Variants in FAM131C observed in about 807,000 individuals in gnomAD.
FAM131C encodes the protein protein FAM131C.
A neutral mutation model predicts 29.8 loss-of-function variants in FAM131C; 14 were observed. The ratio of observed to expected loss-of-function variants is 0.47; its 90% CI spans 0.31 to 0.73. The LOEUF is 0.73. Ranked by LOEUF, FAM131C falls within the 30% of genes least tolerant of loss-of-function variation. The probability of loss-of-function intolerance (pLI) is 0.05; values close to 1 mark genes in which losing one functional copy is unlikely to be tolerated. For missense variants in FAM131C, 252 were observed against 383.8 expected, an observed-to-expected ratio of 0.66 and a Z score of 2.87; for synonymous variants, 86 against 157.8, an observed-to-expected ratio of 0.54 and a Z score of 3.41.
At chr1:16,065,066 G>A (rs1337468585) in intron 1 of FAM131C, among the ~76,000 whole-genome samples, 1 of 152,036 alleles carries the variant, frequency 6.6e-6, no homozygotes, top group Non-Finnish European at 1.5e-5. Context: ...TCCTGTTTCC[G>A]CTGCCCGCTG....
intron 1 of FAM131C, among the ~76,000 whole-genome samples, chr1:16,071,853 G>T (rs570083595): frequency 5.3e-5 from 8 of 152,330 alleles, no homozygotes; most frequent in African/African-American, 1.9e-4. Context: ...CCCATGCTCA[G>T]TGGGTTCTCA....
At chr1:16,069,393 G>A (rs2023723501) in intron 1 of FAM131C, among the ~76,000 whole-genome samples, 1 of 152,192 alleles carries the variant, frequency 6.6e-6, no homozygotes, top group South Asian at 2.1e-4. Context: ...GGTGGCTCTG[G>A]TCGGCCCCCT....
rs575579097 is a variant in FAM131C, at chr1:16,062,274, C to T, written c.175-82G>A. 3.6e-5 allele frequency: 54 copies of T among 1,516,844 alleles called. No individual in the cohort carries two copies. The African/African-American group carries it at 6.0e-4, about 17-fold the overall frequency. 94.0% of individuals were successfully genotyped at this position (1,516,844 alleles called of 1,614,324 possible). A position where few individuals can be genotyped will look rare whatever the true frequency, so the allele number is the denominator to read the frequency against. On this transcript the variant is annotated intron_variant, in intron 3 of 6. Transcript: ENST00000375662. ...CTCCAGCACCACCACCCATCCCCGTCTCCCAGCTCACCAGGTCCTCTGGCC... is the reference window on the plus strand; with the variant it reads ...CTCCAGCACCACCACCCATCCCCGTTTCCCAGCTCACCAGGTCCTCTGGCC...
chr1:16,073,393 C>T (rs1206809209), intron 1 of FAM131C, 28 bp downstream of exon 1: 1 of 1,185,598 alleles, frequency 8.4e-7, no homozygotes, highest in Non-Finnish European at 1.1e-6. Flanking sequence ...GGCACCCGAT[C>T]CCCCCGCCCC....
intron 2 of FAM131C, 43 bp from the exon 3 acceptor site, chr1:16,062,577 C>T: frequency 6.5e-7 from 1 of 1,546,118 alleles, no homozygotes; most frequent in Non-Finnish European, 8.7e-7. Flanking sequence ...GCCTGGCACG[C>T]TGTGCCAGCA....
At chr1:16,063,707 C>G in intron 1 of FAM131C, 71 bp from the exon 2 acceptor site, 4 of 1,052,794 alleles carry the variant, frequency 3.8e-6, no homozygotes, top group Non-Finnish European at 4.2e-6. Flanking sequence ...ATGTTCAAGG[C>G]CCCCCCGTAA....
chr1:16,071,930 G>T (rs2023754265), intron 1 of FAM131C, among the ~76,000 whole-genome samples: 1 of 152,210 alleles, frequency 6.6e-6, no homozygotes, highest in African/African-American at 2.4e-5. Context: ...AAGTGAAGGG[G>T]AAGGGACACT....
chr1:16,072,390 C>A (rs2023761852), intron 1 of FAM131C, among the ~76,000 whole-genome samples: 1 of 152,098 alleles, frequency 6.6e-6, no homozygotes, highest in Admixed American at 6.5e-5. Flanking sequence ...GACAAGGTCC[C>A]CTCTATTCTG....
At chr1:16,073,168 G>C (rs542645245) in intron 1 of FAM131C, among the ~76,000 whole-genome samples, 2 of 152,226 alleles carry the variant, frequency 1.3e-5, no homozygotes, top group East Asian at 3.9e-4. Context: ...GCACGGCACG[G>C]GACCCTGCTT....
chr1:16,063,810 C>T (rs1178946752), intron 1 of FAM131C, among the ~76,000 whole-genome samples, 174 bp from the exon 2 acceptor site: 1 of 152,094 alleles, frequency 6.6e-6, no homozygotes, highest in Non-Finnish European at 1.5e-5. Flanking sequence ...TGCCCTCCTG[C>T]CTGTGCCCCT....
chr1:16,068,711 T>C (rs57717541), intron 1 of FAM131C, among the ~76,000 whole-genome samples: 2,014 of 152,122 alleles, frequency 0.013, 43 homozygotes, highest in African/African-American at 0.046. Flanking sequence ...GGTCCCTTTC[T>C]CTCCCCGTGC....
At chr1:16,067,270 C>T (rs574209570) in intron 1 of FAM131C, among the ~76,000 whole-genome samples, 1 of 152,274 alleles carries the variant, frequency 6.6e-6, no homozygotes, top group South Asian at 2.1e-4. Flanking sequence ...ATGAACCAGC[C>T]CAGGGTGAAA....
intron 1 of FAM131C, among the ~76,000 whole-genome samples, chr1:16,066,217 A>G (rs144142135): frequency 3.3e-5 from 5 of 152,336 alleles, no homozygotes; most frequent in South Asian, 2.1e-4. Context: ...CAACTGGATT[A>G]GACTTAGTTT....
chr1:16,068,459 C>A (rs1211480391), intron 1 of FAM131C, among the ~76,000 whole-genome samples: 2 of 152,252 alleles, frequency 1.3e-5, no homozygotes, highest in Non-Finnish European at 2.9e-5. Context: ...AGCCACTCCT[C>A]TGGTCCTGTC....
chr1:16,073,060 T>G (rs2023771083), intron 1 of FAM131C, among the ~76,000 whole-genome samples: 1 of 151,778 alleles, frequency 6.6e-6, no homozygotes, highest in Non-Finnish European at 1.5e-5. Context: ...GTCTGCTAGT[T>G]CTCCCGGTGC....
At chr1:16,073,329 T>C (rs931465478) in intron 1 of FAM131C, 92 bp downstream of exon 1, 4 of 711,192 alleles carry the variant, frequency 5.6e-6, no homozygotes, top group Non-Finnish European at 7.7e-6. Flanking sequence ...GAAGGGCGGG[T>C]CGCCAGCCCC....
intron 1 of FAM131C, among the ~76,000 whole-genome samples, chr1:16,071,321 C>T (rs1190547359): frequency 1.3e-5 from 2 of 152,238 alleles, no homozygotes; most frequent in Non-Finnish European, 2.9e-5. Flanking sequence ...TTGGCTTATA[C>T]TATCCTAGCT....
In FAM131C at chr1:16,062,532, G is replaced by T. The variant is rs201526096; in HGVS notation, c.141C>A (p.Asp47Glu). Residue 47 changes from aspartate to glutamate, a missense_variant and splice_region_variant, in exon 3 of 7, where the codon GAC (aspartate) becomes GAA (glutamate). Around this residue, in one of 6 missense-constraint regions of FAM131C, gnomAD observed 76 missense variants for 62.8 expected, o/e 1.21. Coordinates refer to ENST00000375662, the MANE Select transcript of FAM131C (RefSeq NM_182623.3). ...TVAPDCVIGK[D>E]KQMDFCWDPW... ...GATCCCAACAGAAATCCATCTGTTTGTCCTAAAACAAGAGGAGAGAGAGGA... is the reference window on the plus strand; with the variant it reads ...GATCCCAACAGAAATCCATCTGTTTTTCCTAAAACAAGAGGAGAGAGAGGA... The T allele has an allele frequency of 1.3e-4, 203 of 1,576,544 alleles. 1 individual carries two copies. In the East Asian group the frequency reaches 4.5e-3, roughly 35 times the overall value.
At position 16,062,388 on chromosome 1, in the gene FAM131C, C is replaced by CG. The variant is rs1553129295; in HGVS notation, c.174+110_174+111insC. Reference sequence around the variant, plus strand: ...ACCCACTGTTTCATCAGGCCCCCCCCCCCCCCGCCCCAGGGCCAGCAGGAC... The same window carrying CG: ...ACCCACTGTTTCATCAGGCCCCCCCCGCCCCCCGCCCCAGGGCCAGCAGGAC... On this transcript the variant is annotated intron_variant, in intron 3 of 6. Coordinates refer to ENST00000375662, the MANE Select transcript of FAM131C (RefSeq NM_182623.3). 1.1e-5 allele frequency: 13 copies of CG among 1,227,664 alleles called. No individual in the cohort carries two copies. In the South Asian group the frequency reaches 1.7e-4, roughly 16 times the overall value. 76.0% of individuals were successfully genotyped at this position (1,227,664 alleles called of 1,614,324 possible).
Sources: gnomAD v4.1 joint callset for allele counts (sites outside exome capture counted in the v4.1 genomes callset) on GRCh38, gnomAD v4.1.1 for gene constraint, gnomAD v4.1.1 regional missense constraint, MANE v1.5 for transcripts, NCBI Gene and HGNC (gene_info 2026-07-23, HGNC 2026-07-21) for gene names.